The following SLC4A1AP variants were observed in gnomAD, a reference collection of about 807,000 sequenced individuals.
SLC4A1AP encodes the protein solute carrier family 4 member 1 adaptor protein.
A neutral mutation model predicts 89.7 loss-of-function variants in SLC4A1AP; 64 were observed. The observed-to-expected ratio is 0.71, with a 90% CI of 0.58 to 0.88. The LOEUF is 0.88. Among genes scored for constraint, SLC4A1AP ranks in the 40% least tolerant of loss-of-function variants. The pLI is 0.00. For missense variants in SLC4A1AP, 931 were observed against 965.0 expected (o/e 0.96, Z 0.47); for synonymous variants, 366 against 353.3 (o/e 1.04, Z -0.40).
exon 1 of SLC4A1AP, chr2:27,663,917 G>A: frequency 6.2e-7 from 1 of 1,614,168 alleles, no homozygotes; most frequent in South Asian, 1.1e-5. Context: ...GGTTGAGGAT[G>A]GCTGACATTC....
chr2:27,675,463 C>G, intron 5 of SLC4A1AP, 69 bp from the exon 6 acceptor site: 1 of 1,118,746 alleles, frequency 8.9e-7, no homozygotes, highest in Non-Finnish European at 1.3e-6. Flanking sequence ...AGCTCCTTGC[C>G]TACTTGCCTT....
rs71401579 is a variant in SLC4A1AP at position 27,674,713 on chromosome 2, AT to A, written c.1346-804del. Among the ~76,000 whole-genome samples the A allele has an allele frequency of 6.2e-3, 731 of 117,930 alleles. 1 individual carries two copies. Among genetic ancestry groups the A allele is most frequent in the African/African-American group, 0.016 (512 of 32,036 alleles). The allele number at this position is 117,930 out of a possible 152,430, so 77.4% of individuals were successfully genotyped here. On this transcript the variant is annotated intron_variant, in intron 5 of 13. Transcript: ENST00000613058. Reference sequence around the variant, plus strand: ...TTTCATTTTCCTTTTTTCCTCATTGATTTTTTTTTTTTTTTGAGATAGAGTT... The same window carrying A: ...TTTCATTTTCCTTTTTTCCTCATTGATTTTTTTTTTTTTTGAGATAGAGTT...
chr2:27,688,830 A>C, intron 12 of SLC4A1AP, 63 bp downstream of exon 12: 1 of 1,265,936 alleles, frequency 7.9e-7, no homozygotes, highest in Non-Finnish European at 1.1e-6. Context: ...CATCCAGAAA[A>C]GTGAATCTTT....
rs1310128732 is a variant in SLC4A1AP at position 27,680,299 on chromosome 2, T to G, written c.1764-1949T>G. On this transcript the variant is annotated intron_variant, in intron 8 of 13. Transcript: ENST00000613058. ...TTTTCACAGTATATGTGCTTTATAC[T>G]TGAGTTTTGAACATGTGAATATACT... 2.0e-5 allele frequency among the ~76,000 whole-genome samples: 3 copies of G among 152,308 alleles called. No homozygotes were observed. The Middle Eastern group carries it at 0.01, about 522-fold the overall frequency.
At chr2:27,664,715 C>T (rs1675276069) in intron 1 of SLC4A1AP, 138 bp downstream of exon 1, 2 of 677,708 alleles carry the variant, frequency 3.0e-6, no homozygotes, top group African/African-American at 3.6e-5. Flanking sequence ...CTATCATCTT[C>T]AGACGGCTGT....
intron 9 of SLC4A1AP, among the ~76,000 whole-genome samples, chr2:27,684,110 T>G (rs1051563874): frequency 1.3e-5 from 2 of 152,032 alleles, no homozygotes; most frequent in African/African-American, 4.8e-5. Context: ...CTTAGAGAAT[T>G]TTAGAACTAA....
At chr2:27,682,914 G>T (rs1353749210) in intron 9 of SLC4A1AP, among the ~76,000 whole-genome samples, 1 of 152,190 alleles carries the variant, frequency 6.6e-6, no homozygotes, top group African/African-American at 2.4e-5. Flanking sequence ...TTGTAAATTA[G>T]AATCATAGTT....
At chr2:27,689,749 A>T (rs1675757959) in intron 12 of SLC4A1AP, among the ~76,000 whole-genome samples, 1 of 152,242 alleles carries the variant, frequency 6.6e-6, no homozygotes, top group African/African-American at 2.4e-5. Flanking sequence ...ACAATGAGCC[A>T]TTCTTGTCAG....
At position 27,677,158 on chromosome 2, in the gene SLC4A1AP, A is replaced by G; in HGVS notation, c.1507-137A>G. The G allele has an allele frequency of 5.8e-6, 4 of 692,652 alleles. No homozygotes were observed. In the South Asian group the frequency reaches 7.1e-5, roughly 12 times the overall value. The allele number at this position is 692,652 out of a possible 1,614,324, so 42.9% of individuals were successfully genotyped here. A position where few individuals can be genotyped will look rare whatever the true frequency, so the allele number is the denominator to read the frequency against. ...ATCTCAAAACAAAAAAAAAAGTGTTAACTCCATAAGTAGCAGTTTAACTGG... is the reference window on the plus strand; with the variant it reads ...ATCTCAAAACAAAAAAAAAAGTGTTGACTCCATAAGTAGCAGTTTAACTGG... On this transcript the variant is annotated intron_variant, in intron 6 of 13. Transcript: ENST00000613058.
chr2:27,682,914 G>C (rs1353749210), intron 9 of SLC4A1AP, among the ~76,000 whole-genome samples: 1 of 152,190 alleles, frequency 6.6e-6, no homozygotes, highest in South Asian at 2.1e-4. Context: ...TTGTAAATTA[G>C]AATCATAGTT....
chr2:27,673,990 TTGTGTGTGTGTGTGTGTGTGTG>T (rs56759152), intron 5 of SLC4A1AP, among the ~76,000 whole-genome samples: 1 of 148,660 alleles, frequency 6.7e-6, no homozygotes, highest in South Asian at 2.2e-4. Context: ...CATATACAAG[TTGTGTGTGTGTGTGTGTGTGTG>T]TGTGTGTGTG....
chr2:27,666,411 C>T (rs1239119168), intron 2 of SLC4A1AP, among the ~76,000 whole-genome samples: 5 of 131,964 alleles, frequency 3.8e-5, no homozygotes, highest in African/African-American at 5.7e-5. Flanking sequence ...AGATTACAGG[C>T]GTGAGCGATC....
At chr2:27,680,936 T>C (rs1675609463) in intron 8 of SLC4A1AP, among the ~76,000 whole-genome samples, 1 of 152,076 alleles carries the variant, frequency 6.6e-6, no homozygotes, top group Admixed American at 6.6e-5. Context: ...TTCCTCCCTT[T>C]CCTATTTTGG....
chr2:27,673,012 G>C (rs1675450397), intron 5 of SLC4A1AP, among the ~76,000 whole-genome samples: 1 of 139,116 alleles, frequency 7.2e-6, no homozygotes, highest in African/African-American at 2.5e-5. Flanking sequence ...TAATCCAAAG[G>C]CTTTCTGTTT....
chr2:27,667,861 T>C (rs554518562), intron 3 of SLC4A1AP, among the ~76,000 whole-genome samples: 6 of 151,414 alleles, frequency 4.0e-5, no homozygotes, highest in African/African-American at 1.4e-4. Context: ...TGTATATCTG[T>C]ATATATTTTA....
chr2:27,682,386 T>C, intron 9 of SLC4A1AP, 27 bp downstream of exon 9: 3 of 1,421,098 alleles, frequency 2.1e-6, no homozygotes, highest in Non-Finnish European at 3.0e-6. Context: ...GGTGTTAAAC[T>C]TTTAGCCCTT....
chr2:27,689,255 A>C (rs1167199853), intron 12 of SLC4A1AP, among the ~76,000 whole-genome samples: 9 of 152,212 alleles, frequency 5.9e-5, no homozygotes, highest in Non-Finnish European at 2.9e-5. Context: ...TTATTACAAT[A>C]ATACTATAAT....
exon 1 of SLC4A1AP, chr2:27,664,334 G>C (rs780503238): frequency 2.5e-6 from 4 of 1,614,218 alleles, no homozygotes; most frequent in Non-Finnish European, 2.5e-6. Context: ...TCGGGAGGCT[G>C]TCTGGCTGCG....
At chr2:27,669,224 A>G (rs746370416) in intron 4 of SLC4A1AP, 24 bp from the exon 5 acceptor site, 9 of 1,592,242 alleles carry the variant, frequency 5.7e-6, no homozygotes, top group East Asian at 2.2e-5. Context: ...ATGCTGTGCT[A>G]TAATTCCCAC....
Sources: allele counts gnomAD v4.1 joint callset (sites outside exome capture counted in the v4.1 genomes callset), GRCh38; gene constraint gnomAD v4.1.1; transcripts MANE v1.5; gene names NCBI Gene and HGNC (gene_info 2026-07-23, HGNC 2026-07-21).